Variants in RBFOX1 observed in about 807,000 individuals in gnomAD.
RBFOX1 encodes the protein RNA binding protein fox-1 homolog 1.
RBFOX1 carries 8 observed loss-of-function variants against 57.7 expected under a neutral mutation model. The ratio of observed to expected loss-of-function variants is 0.14; its 90% CI spans 0.08 to 0.25. The LOEUF is 0.25. Ranked by LOEUF, RBFOX1 falls within the 10% of genes least tolerant of loss-of-function variation. RBFOX1 has a pLI of 1.00. For synonymous variants in RBFOX1, 326 were observed against 222.4 expected (o/e 1.47, Z -4.15); for missense variants, 611 against 548.5 (o/e 1.11, Z -1.14).
intron 10 of RBFOX1, among the ~76,000 whole-genome samples, chr16:7,624,427 A>G (rs1596717433): frequency 6.6e-6 from 1 of 152,326 alleles, no homozygotes; most frequent in East Asian, 1.9e-4. Flanking sequence ...ATTCAGAATC[A>G]TTCTTTTGTT....
chr16:7,111,011 T>C (rs554160031), intron 4 of RBFOX1, among the ~76,000 whole-genome samples: 211 of 152,258 alleles, frequency 1.4e-3, no homozygotes, highest in African/African-American at 4.9e-3. Flanking sequence ...GTTGTTTTTT[T>C]CTCCTAGAAG....
At chr16:6,323,330 C>T (rs545864879) in intron 2 of RBFOX1, among the ~76,000 whole-genome samples, 1 of 152,254 alleles carries the variant, frequency 6.6e-6, no homozygotes, top group African/African-American at 2.4e-5. Context: ...TTAAAATCTG[C>T]CATGGTGCTT....
chr16:5,901,326 G>T (rs552984944), intron 4 of RBFOX1, among the ~76,000 whole-genome samples: 2 of 152,190 alleles, frequency 1.3e-5, no homozygotes, highest in South Asian at 4.2e-4. Context: ...CTTACTGTTG[G>T]GGTTACCTTT....
At chr16:5,673,136 A>AG (rs2050064052) in intron 3 of RBFOX1, among the ~76,000 whole-genome samples, 1 of 152,122 alleles carries the variant, frequency 6.6e-6, no homozygotes, top group Non-Finnish European at 1.5e-5. Flanking sequence ...CTGCTGACAC[A>AG]CACAAGCCTT....
At chr16:6,828,093 C>G (rs867075966) in intron 3 of RBFOX1, among the ~76,000 whole-genome samples, 2 of 152,068 alleles carry the variant, frequency 1.3e-5, no homozygotes, top group South Asian at 2.1e-4. Flanking sequence ...TTATGAAGAA[C>G]CAACAGAAGG....
At chr16:7,616,908 C>T (rs2058540640) in intron 10 of RBFOX1, among the ~76,000 whole-genome samples, 1 of 151,920 alleles carries the variant, frequency 6.6e-6, no homozygotes. Flanking sequence ...AAGTCCAATC[C>T]TAAGGACAAG....
At chr16:6,706,394 G>C (rs1162070013) in intron 3 of RBFOX1, among the ~76,000 whole-genome samples, 5 of 152,182 alleles carry the variant, frequency 3.3e-5, no homozygotes, top group African/African-American at 9.6e-5. Context: ...GGTGTCTCTT[G>C]GGGAATAATC....
chr16:5,729,771 G>C (rs575561022), intron 3 of RBFOX1, among the ~76,000 whole-genome samples: 2 of 152,290 alleles, frequency 1.3e-5, no homozygotes, highest in South Asian at 2.1e-4. Flanking sequence ...CACCACTCTA[G>C]CTGGTTTCTC....
intron 4 of RBFOX1, among the ~76,000 whole-genome samples, chr16:7,415,229 G>C (rs1255266528): frequency 6.6e-6 from 1 of 152,198 alleles, no homozygotes; most frequent in Non-Finnish European, 1.5e-5. Context: ...CTGAGTGTCT[G>C]GGGTATTAAG....
intron 3 of RBFOX1, among the ~76,000 whole-genome samples, chr16:6,898,176 G>A (rs1196010976): frequency 6.6e-6 from 1 of 152,090 alleles, no homozygotes; most frequent in African/African-American, 2.4e-5. Context: ...GTAGCCAACG[G>A]CATTAAGAAT....
At chr16:6,904,697 C>A (rs1220014381) in intron 3 of RBFOX1, among the ~76,000 whole-genome samples, 2 of 151,426 alleles carry the variant, frequency 1.3e-5, no homozygotes, top group Non-Finnish European at 2.9e-5. Flanking sequence ...CTGCTTTTTC[C>A]CGTCAGTTTC....
intron 1 of RBFOX1, among the ~76,000 whole-genome samples, chr16:6,116,690 C>A (rs1261325524): frequency 6.6e-6 from 1 of 152,132 alleles, no homozygotes; most frequent in South Asian, 2.1e-4. Flanking sequence ...CTTTCATTGC[C>A]GTTTAATCAA....
chr16:5,332,434 T>C (rs1371573532), intron 1 of RBFOX1, among the ~76,000 whole-genome samples: 3 of 151,904 alleles, frequency 2.0e-5, no homozygotes, highest in Non-Finnish European at 4.4e-5. Flanking sequence ...GCTGATTTTT[T>C]TGTATTTTTG....
At chr16:7,403,486 TTG>T (rs989510031) in intron 4 of RBFOX1, among the ~76,000 whole-genome samples, 3 of 152,108 alleles carry the variant, frequency 2.0e-5, no homozygotes, top group African/African-American at 7.2e-5. Flanking sequence ...CTTACAGCGT[TTG>T]TCTTTCTGTG....
At chr16:6,418,106 G>C (rs1383004944) in intron 2 of RBFOX1, among the ~76,000 whole-genome samples, 1 of 152,190 alleles carries the variant, frequency 6.6e-6, no homozygotes, top group African/African-American at 2.4e-5. Flanking sequence ...CGAATGGTAA[G>C]TAACATTTGC....
At chr16:6,517,298 C>T (rs1276794028) in intron 2 of RBFOX1, among the ~76,000 whole-genome samples, 3 of 152,210 alleles carry the variant, frequency 2.0e-5, no homozygotes, top group Non-Finnish European at 2.9e-5. Context: ...CCAGACATAA[C>T]TGTTCTCCCT....
At chr16:6,134,012 G>T (rs1000930433) in intron 1 of RBFOX1, among the ~76,000 whole-genome samples, 2 of 151,670 alleles carry the variant, frequency 1.3e-5, no homozygotes, top group Admixed American at 6.6e-5. Flanking sequence ...TCTCGGTTCA[G>T]TGCAACCTCT....
chr16:6,315,634 A>G (rs1567919511), intron 1 of RBFOX1, among the ~76,000 whole-genome samples: 1 of 152,102 alleles, frequency 6.6e-6, no homozygotes, highest in Non-Finnish European at 1.5e-5. Flanking sequence ...CTGTTTGTTG[A>G]CACTAGCCCA....
At chr16:5,720,871 C>T (rs985535744) in intron 3 of RBFOX1, among the ~76,000 whole-genome samples, 1 of 152,152 alleles carries the variant, frequency 6.6e-6, no homozygotes, top group African/African-American at 2.4e-5. Flanking sequence ...GTGTGAGTCT[C>T]CAACTTTGTT....
Sources: allele counts gnomAD v4.1 joint callset (sites outside exome capture counted in the v4.1 genomes callset), GRCh38; gene constraint gnomAD v4.1.1; transcripts MANE v1.5; gene names NCBI Gene and HGNC (gene_info 2026-07-23, HGNC 2026-07-21).